The following IGF2BP2 variants were observed in gnomAD, a reference collection of about 807,000 sequenced individuals.
The protein encoded by IGF2BP2 is insulin like growth factor 2 mRNA binding protein 2.
In IGF2BP2, 17 loss-of-function variants were observed where a neutral mutation model predicts 75.8. The observed-to-expected ratio is 0.22, with a 90% CI of 0.15 to 0.34. The LOEUF (loss-of-function observed/expected upper bound fraction) is 0.34, where lower values mean the gene tolerates loss of function less well. IGF2BP2 is among the 10% of genes least tolerant of loss of function. The pLI is 1.00. For missense variants in IGF2BP2, 516 were observed against 772.4 expected (o/e 0.67, Z 3.93); for synonymous variants, 288 against 295.6 (o/e 0.97, Z 0.26).
chr3:185,820,510 A>ATC (rs1390627586), intron 2 of IGF2BP2, among the ~76,000 whole-genome samples: 7 of 152,040 alleles, frequency 4.6e-5, no homozygotes, highest in Admixed American at 1.3e-4. Flanking sequence ...TGACATTAGA[A>ATC]TAATTTGCAT....
In IGF2BP2 at chr3:185,808,148, G is replaced by C. The variant is rs866602365; in HGVS notation, c.239+15005C>G. On this transcript the variant is annotated intron_variant, in intron 2 of 15. Coordinates refer to ENST00000382199, the MANE Select transcript of IGF2BP2 (RefSeq NM_006548.6). ...AAAAAAAAAAAAAGAAAGAAAGAAA[G>C]AAAGAAACAAACAAACAAACAAAAA... is the stretch of plus-strand genomic sequence containing the variant. Among the ~76,000 whole-genome samples the C allele has an allele frequency of 7.3e-3, 1,024 of 139,866 alleles. 9 individuals carry two copies. Among genetic ancestry groups the C allele is most frequent in the East Asian group, 0.035 (162 of 4,652 alleles). 91.8% of individuals were successfully genotyped at this position (139,866 alleles called of 152,430 possible).
chr3:185,653,488 G>A (rs968894010), intron 12 of IGF2BP2, among the ~76,000 whole-genome samples: 3 of 151,986 alleles, frequency 2.0e-5, no homozygotes, highest in African/African-American at 7.3e-5. Flanking sequence ...AGGAGTGGTG[G>A]CGCGTGCCTG....
At chr3:185,808,860 ACC>A in intron 2 of IGF2BP2, among the ~76,000 whole-genome samples, 1 of 152,158 alleles carries the variant, frequency 6.6e-6, no homozygotes, top group East Asian at 1.9e-4. Context: ...GAGCCACCGC[ACC>A]CAACCTAATA....
intron 2 of IGF2BP2, chr3:185,724,543 G>A (rs1422515277): frequency 2.6e-5 from 4 of 152,286 alleles, no homozygotes; most frequent in Middle Eastern, 3.4e-3. Context: ...GACCCTTAGC[G>A]AAGTTGCTTT....
chr3:185,805,879 T>G (rs1481706615), intron 2 of IGF2BP2, among the ~76,000 whole-genome samples: 3 of 151,696 alleles, frequency 2.0e-5, no homozygotes, highest in Non-Finnish European at 4.4e-5. Flanking sequence ...CAACTGATTC[T>G]CCTGCCTCAG....
intron 12 of IGF2BP2, 152 bp from the exon 13 acceptor site, chr3:185,652,320 C>T (rs542567034): frequency 1.5e-6 from 1 of 668,196 alleles, no homozygotes; most frequent in Non-Finnish European, 2.5e-6. Context: ...GCTGCCTCCA[C>T]CCTGGTCTTA....
intron 2 of IGF2BP2, among the ~76,000 whole-genome samples, chr3:185,731,246 C>CTTTT (rs760172663): frequency 8.5e-5 from 11 of 129,244 alleles, no homozygotes; most frequent in African/African-American, 2.3e-4. Flanking sequence ...GCATCACTTT[C>CTTTT]TTTTTTTTTT....
At chr3:185,654,493 C>A (rs767942088) in intron 12 of IGF2BP2, among the ~76,000 whole-genome samples, 3 of 152,228 alleles carry the variant, frequency 2.0e-5, no homozygotes, top group African/African-American at 4.8e-5. Context: ...TTCACGCTGA[C>A]CAAATCAGTT....
intron 2 of IGF2BP2, among the ~76,000 whole-genome samples, chr3:185,778,493 C>A (rs1168272566): frequency 2.6e-5 from 4 of 152,176 alleles, no homozygotes; most frequent in Non-Finnish European, 5.9e-5. Context: ...TGTATATTCC[C>A]TCTCAGGATT....
At chr3:185,782,690 T>C (rs1735365923) in intron 2 of IGF2BP2, among the ~76,000 whole-genome samples, 1 of 152,138 alleles carries the variant, frequency 6.6e-6, no homozygotes. Context: ...CCTACACTGG[T>C]CTTACCTGAA....
At chr3:185,716,629 G>A (rs1281251557) in intron 2 of IGF2BP2, 2 of 520,044 alleles carry the variant, frequency 3.8e-6, no homozygotes, top group Admixed American at 3.9e-5. Context: ...AGGTAGGGAA[G>A]CACAGCACCA....
rs971156943 is a variant in IGF2BP2 at position 185,683,945 on chromosome 3, C to T, written c.812+3112G>A. Among the ~76,000 whole-genome samples, 6 of 152,124 alleles carry T rather than the reference C, an allele frequency of 3.9e-5. No individual in the cohort carries two copies. In the South Asian group the frequency reaches 1.2e-3, roughly 32 times the overall value. ...CCCATGATTCAACTGACCTTGGAGC[C>T]GTGTGCCTTAGGACTTCTTGTTATG... is the stretch of plus-strand genomic sequence containing the variant. On this transcript the variant is annotated intron_variant, in intron 7 of 15. Transcript: ENST00000382199.
chr3:185,824,716 TCCCTCCCGGCG>T, intron 1 of IGF2BP2, 56 bp downstream of exon 1: 1 of 1,177,874 alleles, frequency 8.5e-7, no homozygotes, highest in Non-Finnish European at 1.1e-6. Context: ...GGACTCGGCC[TCCCTCCCGGCG>T]CCGTCCCGGC....
chr3:185,731,704 G>T (rs1360685476), intron 2 of IGF2BP2, among the ~76,000 whole-genome samples: 1 of 152,086 alleles, frequency 6.6e-6, no homozygotes, highest in Non-Finnish European at 1.5e-5. Context: ...GCCAGGCGCA[G>T]TGGCTCATGC....
At chr3:185,781,995 T>C (rs2149804994) in intron 2 of IGF2BP2, among the ~76,000 whole-genome samples, 1 of 152,288 alleles carries the variant, frequency 6.6e-6, no homozygotes, top group South Asian at 2.1e-4. Flanking sequence ...ATATATATAT[T>C]GTTTAAAAAA....
At chr3:185,678,051 T>G (rs1436962542) in intron 7 of IGF2BP2, among the ~76,000 whole-genome samples, 1 of 152,108 alleles carries the variant, frequency 6.6e-6, no homozygotes, top group African/African-American at 2.4e-5. Context: ...GAAGAAGTAA[T>G]GGCTGAAAGG....
intron 2 of IGF2BP2, among the ~76,000 whole-genome samples, chr3:185,786,755 G>A (rs750922009): frequency 4.6e-5 from 7 of 152,068 alleles, no homozygotes; most frequent in Non-Finnish European, 7.3e-5. Context: ...CTTAAGATAC[G>A]TGGAAACCTA....
intron 2 of IGF2BP2, among the ~76,000 whole-genome samples, chr3:185,730,888 GT>G (rs370195199): frequency 6.6e-6 from 1 of 151,564 alleles, no homozygotes; most frequent in Non-Finnish European, 1.5e-5. Context: ...AACATCTGTT[GT>G]TTTTTTTGAG....
At chr3:185,823,123 C>CAA (rs369623279) in intron 2 of IGF2BP2, 30 bp downstream of exon 2, 135 of 1,293,466 alleles carry the variant, frequency 1.0e-4, no homozygotes, top group South Asian at 2.5e-4. Context: ...AGGCCAATCG[C>CAA]AAAAAAAAAA....
Sources: allele counts gnomAD v4.1 joint callset (sites outside exome capture counted in the v4.1 genomes callset), GRCh38; gene constraint gnomAD v4.1.1; transcripts MANE v1.5; gene names NCBI Gene and HGNC (gene_info 2026-07-23, HGNC 2026-07-21).